The following JMY variants were observed in gnomAD, a reference collection of about 807,000 sequenced individuals.
JMY encodes the protein junction mediating and regulatory protein, p53 cofactor.
In JMY, 46 loss-of-function variants were observed where a neutral mutation model predicts 103.3. That is an observed-to-expected ratio of 0.45 (90% CI 0.35 to 0.57). The LOEUF (loss-of-function observed/expected upper bound fraction) is 0.57, where lower values mean the gene tolerates loss of function less well. JMY is among the 20% of genes least tolerant of loss of function. JMY has a pLI of 0.00. For missense variants in JMY, 1,238 were observed against 1,255.2 expected (o/e 0.99, Z 0.21); for synonymous variants, 526 against 489.3 (o/e 1.07, Z -0.99).
intron 1 of JMY, among the ~76,000 whole-genome samples, chr5:79,274,707 A>G (rs1040236121): frequency 4.6e-5 from 7 of 152,060 alleles, no homozygotes; most frequent in Non-Finnish European, 1.0e-4. Flanking sequence ...CACCTGCCCC[A>G]TTGATTGCTT....
intron 7 of JMY, among the ~76,000 whole-genome samples, chr5:79,307,707 C>T (rs189535644): frequency 2.6e-5 from 4 of 152,184 alleles, no homozygotes; most frequent in Admixed American, 2.6e-4. Flanking sequence ...CCTACTTGCC[C>T]CTCTATATAT....
Position 79,291,202 on chromosome 5 carries a change from T to C in JMY, c.1430T>C (p.Met477Thr). The change falls in exon 4 of 11, where the codon ATG (methionine) becomes ACG (threonine). Residue 477 changes from methionine to threonine, a missense_variant. Physicochemically the swap from Met to Thr is moderately conservative, Grantham distance 81 (BLOSUM62 -1). Transcript: ENST00000396137. The stretch of plus-strand genomic sequence containing the variant: ...TCATGGGCAGCGGCTGCTGAACGGA[T>C]GGAAAAACTCCAGTATGCAGTTTCT... The part of the protein sequence containing the change: ...KASWAAAAER[M>T]EKLQYAVSKE... 2 of 1,613,470 alleles carry C rather than the reference T, an allele frequency of 1.2e-6. No homozygotes were observed. The highest frequency in any genetic ancestry group is 1.7e-6 in the Non-Finnish European group (2 of 1,179,746).
chr5:79,283,177 GA>G (rs1357683522), intron 2 of JMY, among the ~76,000 whole-genome samples: 1 of 151,868 alleles, frequency 6.6e-6, no homozygotes, highest in Non-Finnish European at 1.5e-5. Flanking sequence ...TTTTTTAGTA[GA>G]GGGGGGTTTC....
intron 6 of JMY, among the ~76,000 whole-genome samples, chr5:79,304,285 T>A (rs1047973404): frequency 1.3e-5 from 2 of 152,142 alleles, no homozygotes; most frequent in African/African-American, 4.8e-5. Context: ...AAAGAAAAGC[T>A]ACTGAGAAGA....
Position 79,314,702 on chromosome 5 carries a change from T to C in JMY, c.2510T>C (p.Leu837Pro), listed in dbSNP as rs1464813999. ...GCTAAGGACAGTGGCCCAGAGACAC[T>C]GGAGAAAGATCTGCCTAGAAAGGAG... is the stretch of plus-strand genomic sequence containing the variant. ...PVAKDSGPET[L>P]EKDLPRKEGN... is the part of the protein sequence containing the mutation. Residue 837 changes from leucine (L) to proline (P), a missense_variant, in exon 9 of 11, where the codon CTG (leucine) becomes CCG (proline). Leu to Pro is a moderately conservative substitution (Grantham distance 98, BLOSUM62 -3). Transcript: ENST00000396137. 2 of 1,407,176 alleles carry C rather than the reference T, an allele frequency of 1.4e-6. No homozygotes were observed. The highest frequency in any genetic ancestry group is 1.1e-5 in the South Asian group (1 of 87,974). The allele number at this position is 1,407,176 out of a possible 1,614,324, so 87.2% of individuals were successfully genotyped here.
intron 1 of JMY, among the ~76,000 whole-genome samples, chr5:79,248,238 C>T (rs1161443345): frequency 1.3e-5 from 2 of 152,020 alleles, no homozygotes; most frequent in African/African-American, 2.4e-5. Context: ...CCAAGTTGGC[C>T]AGGCTGGTCT....
chr5:79,310,328 T>G (rs1747011378), intron 7 of JMY, among the ~76,000 whole-genome samples: 1 of 152,144 alleles, frequency 6.6e-6, no homozygotes, highest in South Asian at 2.1e-4. Flanking sequence ...CCCAAAGTGC[T>G]GGGATTACAG....
At chr5:79,298,453 C>T (rs192218672) in intron 4 of JMY, among the ~76,000 whole-genome samples, 414 of 152,232 alleles carry the variant, frequency 2.7e-3, no homozygotes, top group African/African-American at 4.0e-3. Flanking sequence ...TCTAAAGTGG[C>T]GAGTCCACGA....
At chr5:79,315,168 CTCATA>C (rs1010864031) in intron 9 of JMY, among the ~76,000 whole-genome samples, 9 of 152,144 alleles carry the variant, frequency 5.9e-5, no homozygotes, top group African/African-American at 2.2e-4. Flanking sequence ...TAAAAAAATA[CTCATA>C]TCAGAAAGGG....
Sources: gnomAD v4.1 joint callset for allele counts (sites outside exome capture counted in the v4.1 genomes callset) on GRCh38, gnomAD v4.1.1 for gene constraint, MANE v1.5 for transcripts, NCBI Gene and HGNC (gene_info 2026-07-23, HGNC 2026-07-21) for gene names.